PDE10A: variants seen among roughly 807,000 people sequenced by gnomAD.
PDE10A encodes cAMP and cAMP-inhibited cGMP 3',5'-cyclic phosphodiesterase 10A.
PDE10A carries 39 observed loss-of-function variants against 97.7 expected under a neutral mutation model. The observed-to-expected ratio is 0.40, with a 90% confidence interval of 0.31 to 0.52. PDE10A has a LOEUF of 0.52. Ranked by LOEUF, PDE10A falls within the 20% of genes least tolerant of loss-of-function variation. The pLI, the probability that PDE10A is intolerant of heterozygous loss-of-function variation, is 0.56. For synonymous variants in PDE10A, 371 were observed against 376.8 expected, an observed-to-expected ratio of 0.98 and a Z score of 0.18; for missense variants, 731 against 1,047.8, an observed-to-expected ratio of 0.70 and a Z score of 4.17.
rs80344039 is a variant in PDE10A, at chr6:165,476,252, G to A, written c.1023+6063C>T. Among the ~76,000 whole-genome samples the A allele has an allele frequency of 6.0e-3, 907 of 151,878 alleles. 9 individuals carry two copies. The highest frequency in any genetic ancestry group is 0.019 in the African/African-American group (798 of 41,440). On this transcript the variant is annotated intron_variant, in intron 3 of 21. Coordinates refer to ENST00000539869, the MANE Select transcript of PDE10A (RefSeq NM_001385079.1). ...GCGAATTTGGGATGTCGTGTGAGAC[G>A]GAAGATATGCAAAATGAATATAAAG...
intron 1 of PDE10A, among the ~76,000 whole-genome samples, chr6:165,813,575 T>G (rs573342869): frequency 6.6e-6 from 1 of 152,318 alleles, no homozygotes; most frequent in South Asian, 2.1e-4. Context: ...CCTTGAGTAT[T>G]TAAAGATGAC....
rs115610277 is a variant in PDE10A at position 165,898,530 on chromosome 6, A to T, written c.-615+88999T>A. 7.5e-3 allele frequency among the ~76,000 whole-genome samples: 1,148 copies of T among 152,176 alleles called. 18 individuals carry two copies. Among genetic ancestry groups the T allele is most frequent in the African/African-American group, 0.026 (1,067 of 41,500 alleles). The stretch of plus-strand genomic sequence containing the variant: ...CCCGTGCTGTGATCCCACCATCAAA[A>T]CAGCTCCTGTGGAGATCAGCATGTG... On this transcript the variant is annotated intron_variant, in intron 1 of 19. Transcript: ENST00000366882.
chr6:165,354,339 C>G (rs1316748977), intron 18 of PDE10A, among the ~76,000 whole-genome samples: 1 of 152,132 alleles, frequency 6.6e-6, no homozygotes, highest in East Asian at 1.9e-4. Flanking sequence ...GAACAACCAG[C>G]AGTGGAGGCA....
At chr6:165,775,602 G>A (rs1005301037) in intron 1 of PDE10A, 2 of 152,128 alleles carry the variant, frequency 1.3e-5, no homozygotes, top group Non-Finnish European at 2.9e-5. Flanking sequence ...ATAATGCACC[G>A]CTTACATTTT....
chr6:165,599,910 G>A (rs888503432), intron 1 of PDE10A, among the ~76,000 whole-genome samples: 2 of 152,058 alleles, frequency 1.3e-5, no homozygotes, highest in African/African-American at 2.4e-5. Flanking sequence ...CTTTCTACCC[G>A]GAGGCAAAGG....
Position 165,428,712 on chromosome 6 carries a change from G to GA in PDE10A, c.1602-4dup. ...CAACTATGTTATCAAAATATGTTCT[G>GA]AAAAAAAGAAACATAAATCCTGTAA... is the stretch of plus-strand genomic sequence containing the variant. On this transcript the variant is annotated splice_region_variant and splice_polypyrimidine_tract_variant and intron_variant, in intron 9 of 21. Transcript: ENST00000539869. 12 of 1,139,412 alleles carry GA rather than the reference G, an allele frequency of 1.1e-5. No homozygotes were observed. The highest frequency in any genetic ancestry group is 2.1e-4 in the Middle Eastern group (1 of 4,712). 70.6% of individuals were successfully genotyped at this position (1,139,412 alleles called of 1,614,324 possible).
At chr6:165,806,108 C>G (rs915125965) in intron 1 of PDE10A, among the ~76,000 whole-genome samples, 61 of 146,888 alleles carry the variant, frequency 4.2e-4, no homozygotes, top group African/African-American at 1.4e-3. Flanking sequence ...TGGGCCTCAT[C>G]CTCTATCTAT....
At chr6:165,717,237 C>T (rs184218435) in intron 1 of PDE10A, among the ~76,000 whole-genome samples, 9 of 152,318 alleles carry the variant, frequency 5.9e-5, no homozygotes, top group Admixed American at 5.2e-4. Context: ...ATATCCACTC[C>T]TCCACTGAGG....
At chr6:165,526,311 T>C (rs1424746974) in intron 2 of PDE10A, among the ~76,000 whole-genome samples, 1 of 152,106 alleles carries the variant, frequency 6.6e-6, no homozygotes, top group Non-Finnish European at 1.5e-5. Context: ...CTAACTTACA[T>C]TGGGTCTAGT....
chr6:165,534,024 A>G (rs1782935022), intron 2 of PDE10A, among the ~76,000 whole-genome samples: 1 of 152,098 alleles, frequency 6.6e-6, no homozygotes, highest in Non-Finnish European at 1.5e-5. Context: ...ATATCAGATG[A>G]GAATAGGCAA....
intron 1 of PDE10A, among the ~76,000 whole-genome samples, chr6:165,757,888 T>C (rs6931883): frequency 0.17 from 26,246 of 151,736 alleles, 2,586 homozygotes; most frequent in East Asian, 0.36. Context: ...ACAAAGTTGA[T>C]TTTTTTCTGA....
intron 1 of PDE10A, among the ~76,000 whole-genome samples, chr6:165,695,095 C>T (rs9364811): frequency 4.0e-5 from 6 of 151,820 alleles, no homozygotes; most frequent in Admixed American, 6.6e-5. Context: ...CTTATTTTCC[C>T]TAAGACAAAC....
chr6:165,812,064 G>A lies in PDE10A; in HGVS notation c.-615+175465C>T, dbSNP rs144525919. Among the ~76,000 whole-genome samples the A allele has an allele frequency of 5.4e-3, 817 of 152,174 alleles. 8 individuals are homozygous for A. Among genetic ancestry groups the A allele is most frequent in the African/African-American group, 0.018 (766 of 41,524 alleles). On this transcript the variant is annotated intron_variant, in intron 1 of 19. Coordinates refer to the PDE10A transcript ENST00000366882. ...AGACGGGGTTTCACCATATTGGCCA[G>A]GATGGTCTTGATCTCCTGACCTCAT...
chr6:165,809,615 T>C (rs958457936), intron 1 of PDE10A, among the ~76,000 whole-genome samples: 3 of 152,158 alleles, frequency 2.0e-5, no homozygotes, highest in African/African-American at 7.2e-5. Flanking sequence ...GAGTGGCCAA[T>C]GTAGAGCCTC....
At chr6:165,725,014 T>C (rs1161431955) in intron 1 of PDE10A, among the ~76,000 whole-genome samples, 1 of 152,170 alleles carries the variant, frequency 6.6e-6, no homozygotes, top group Non-Finnish European at 1.5e-5. Context: ...AACAGGCATT[T>C]CTGTTTTCAG....
chr6:165,507,378 C>T (rs919379838), intron 2 of PDE10A, among the ~76,000 whole-genome samples: 5 of 152,034 alleles, frequency 3.3e-5, no homozygotes, highest in Admixed American at 6.6e-5. Context: ...CTTCCTACTC[C>T]TTAGTTCTGT....
intron 1 of PDE10A, among the ~76,000 whole-genome samples, chr6:165,611,535 G>A (rs1317742797): frequency 2.0e-5 from 3 of 152,378 alleles, no homozygotes; most frequent in Non-Finnish European, 4.4e-5. Flanking sequence ...CCCAGAAGGG[G>A]CGGGGAAAGC....
chr6:165,985,187 A>C (rs1785151290), intron 1 of PDE10A, among the ~76,000 whole-genome samples: 1 of 152,208 alleles, frequency 6.6e-6, no homozygotes, highest in South Asian at 2.1e-4. Context: ...CTGTTCACCT[A>C]ATTTTCCACA....
At chr6:165,381,646 T>C (rs1046541439) in intron 17 of PDE10A, among the ~76,000 whole-genome samples, 1 of 149,166 alleles carries the variant, frequency 6.7e-6, no homozygotes, top group African/African-American at 2.5e-5. Context: ...TTTTTTTTTT[T>C]TTTTTTTTGT....
Sources: allele counts gnomAD v4.1 joint callset (sites outside exome capture counted in the v4.1 genomes callset), GRCh38; gene constraint gnomAD v4.1.1; transcripts MANE v1.5; gene names NCBI Gene and HGNC (gene_info 2026-07-23, HGNC 2026-07-21).